The following SPMAP2L variants were observed in gnomAD, a reference collection of about 807,000 sequenced individuals.
SPMAP2L encodes the protein sperm microtubule associated protein 2 like, also known as sperm microtubule associated protein 2-like.
the SPMAP2L span, among the ~76,000 whole-genome samples, chr4:56,537,815 C>T: frequency 6.6e-6 from 1 of 152,098 alleles, no homozygotes; most frequent in Non-Finnish European, 1.5e-5. Context: ...GCTTCAGCCT[C>T]CCGAGTAGCT....
chr4:56,592,027 G>C, the SPMAP2L span, among the ~76,000 whole-genome samples: 1 of 152,214 alleles, frequency 6.6e-6, no homozygotes, highest in Admixed American at 6.5e-5. Flanking sequence ...TGGCCTGTTA[G>C]GAATCAGGCA....
chr4:56,593,142 C>G, the SPMAP2L span: 2 of 1,573,898 alleles, frequency 1.3e-6, no homozygotes, highest in Non-Finnish European at 1.7e-6. Context: ...ACCCAGTATA[C>G]TCCATACCAG....
At chr4:56,594,298 C>T in the SPMAP2L span, 1 of 1,546,772 alleles carries the variant, frequency 6.5e-7, no homozygotes, top group South Asian at 1.1e-5. Context: ...AAGACATTTC[C>T]CTTGTTCACA....
chr4:56,543,316 C>T, the SPMAP2L span, among the ~76,000 whole-genome samples: 7 of 152,236 alleles, frequency 4.6e-5, no homozygotes, highest in South Asian at 1.2e-3. Flanking sequence ...ACCTCCTGCC[C>T]TCGTGATCTG....
chr4:56,566,293 GA>G, the SPMAP2L span, among the ~76,000 whole-genome samples: 1 of 152,096 alleles, frequency 6.6e-6, no homozygotes, highest in African/African-American at 2.4e-5. Context: ...CTGCCTTCCG[GA>G]TTCAAGCAAT....
the SPMAP2L span, among the ~76,000 whole-genome samples, chr4:56,543,518 C>G: frequency 1.3e-5 from 2 of 152,038 alleles, no homozygotes; most frequent in Non-Finnish European, 2.9e-5. Flanking sequence ...ATGGCAAAAC[C>G]CCTTCTATAC....
chr4:56,532,614 G>C, the SPMAP2L span, among the ~76,000 whole-genome samples: 2 of 152,090 alleles, frequency 1.3e-5, no homozygotes, highest in African/African-American at 4.8e-5. Context: ...CTTCATTGCA[G>C]AACTTGTCAA....
chr4:56,570,929 G>A, the SPMAP2L span, among the ~76,000 whole-genome samples: 241 of 151,564 alleles, frequency 1.6e-3, no homozygotes, highest in African/African-American at 5.2e-3. Context: ...TCAGCCCCTC[G>A]AGTAGCTGGG....
At chr4:56,543,314 C>A in the SPMAP2L span, among the ~76,000 whole-genome samples, 102 of 152,202 alleles carry the variant, frequency 6.7e-4, no homozygotes, top group Middle Eastern at 3.4e-3. Flanking sequence ...CGACCTCCTG[C>A]CCTCGTGATC....
chr4:56,595,514 C>A, the SPMAP2L span: 1 of 1,524,792 alleles, frequency 6.6e-7, no homozygotes, highest in South Asian at 1.1e-5. Context: ...CACTCCCTGA[C>A]CTGCGTTATA....
the SPMAP2L span, chr4:56,594,191 G>C: frequency 1.2e-6 from 2 of 1,613,210 alleles, no homozygotes; most frequent in Non-Finnish European, 1.7e-6. Context: ...TCCAGGGTCT[G>C]TGTTCAAGAG....
the SPMAP2L span, among the ~76,000 whole-genome samples, chr4:56,563,789 T>C: frequency 6.6e-6 from 1 of 152,196 alleles, no homozygotes; most frequent in South Asian, 2.1e-4. Flanking sequence ...AGTATGTATG[T>C]GATGCAATAT....
the SPMAP2L span, among the ~76,000 whole-genome samples, chr4:56,564,788 T>C: frequency 6.6e-6 from 1 of 152,230 alleles, no homozygotes; most frequent in Admixed American, 6.5e-5. Flanking sequence ...TTATTTTTTC[T>C]GATACAGTCA....
chr4:56,545,718 CAA>C, the SPMAP2L span, among the ~76,000 whole-genome samples: 48 of 94,066 alleles, frequency 5.1e-4, no homozygotes, highest in African/African-American at 1.2e-3. Context: ...GACCCTGTCT[CAA>C]AAAAAAAAAA....
chr4:56,576,586 A>G, the SPMAP2L span, among the ~76,000 whole-genome samples: 1 of 152,312 alleles, frequency 6.6e-6, no homozygotes, highest in African/African-American at 2.4e-5. Context: ...GTGACTTTAC[A>G]TGGATTTTAG....
chr4:56,544,443 T>TAGTA, the SPMAP2L span, among the ~76,000 whole-genome samples: 8 of 152,210 alleles, frequency 5.3e-5, no homozygotes, highest in African/African-American at 1.9e-4. Context: ...CAGTCATTTA[T>TAGTA]AGTACTTCAC....
At chr4:56,567,149 G>A in the SPMAP2L span, among the ~76,000 whole-genome samples, 2 of 152,166 alleles carry the variant, frequency 1.3e-5, no homozygotes, top group Non-Finnish European at 2.9e-5. Flanking sequence ...ATAAGAAAAA[G>A]CGTTTTATAT....
At chr4:56,584,351 A>T in the SPMAP2L span, 8 of 591,612 alleles carry the variant, frequency 1.4e-5, no homozygotes, top group Non-Finnish European at 2.3e-5. Flanking sequence ...CACCAATCTG[A>T]TAGAAAGAGC....
the SPMAP2L span, among the ~76,000 whole-genome samples, chr4:56,616,855 T>C: frequency 2.3e-4 from 35 of 152,360 alleles, no homozygotes; most frequent in African/African-American, 6.5e-4. Context: ...TTCATGTTCC[T>C]TTGTTAATCT....
Sources: gnomAD v4.1 joint callset for allele counts (sites outside exome capture counted in the v4.1 genomes callset) on GRCh38, gnomAD v4.1.1 for gene constraint, MANE v1.5 for transcripts, NCBI Gene and HGNC (gene_info 2026-07-23, HGNC 2026-07-21) for gene names.